MYLK: variants seen among roughly 807,000 people sequenced by gnomAD.
MYLK encodes myosin light chain kinase, also known as myosin light chain kinase, smooth muscle.
MYLK carries 106 observed loss-of-function variants against 203.4 expected under a neutral mutation model. The observed-to-expected ratio is 0.52, with a 90% CI of 0.45 to 0.61. MYLK has a LOEUF of 0.61. Ranked by LOEUF, MYLK falls within the 20% of genes least tolerant of loss-of-function variation. The probability of loss-of-function intolerance (pLI) is 0.00; values close to 1 mark genes in which losing one functional copy is unlikely to be tolerated. For missense variants in MYLK, 2,072 were observed against 2,442.3 expected (o/e 0.85, Z 3.20); for synonymous variants, 867 against 959.5 (o/e 0.90, Z 1.78).
rs548505914 is a variant in MYLK, at chr3:123,740,649, A to G, written c.374-648T>C. ...TGCCAGTCCTGGGCAAGGTGCTGCT[A>G]TGCTGGACACTGCCAGTCCTGGGCA... On this transcript the variant is annotated intron_variant, in intron 5 of 33. Coordinates refer to ENST00000360304, the MANE Select transcript of MYLK (RefSeq NM_053025.4). Among the ~76,000 whole-genome samples, 9 of 152,334 alleles carry G rather than the reference A, an allele frequency of 5.9e-5. No individual in the cohort carries two copies. In the East Asian group the frequency reaches 1.7e-3, roughly 29 times the overall value.
In MYLK at chr3:123,629,100, C is replaced by G. The variant is rs1160918812; in HGVS notation, c.5114+374G>C. Among the ~76,000 whole-genome samples, 2 of 152,148 alleles carry G rather than the reference C, an allele frequency of 1.3e-5. No homozygotes were observed. The highest frequency in any genetic ancestry group is 2.9e-5 in the Non-Finnish European group (2 of 68,024). Reference sequence around the variant, plus strand: ...GCTCTTGCTTGTTGAGAGGGTCCTTCCCCTGCAGCCCCTGAAGAGGGCTGT... The same window carrying G: ...GCTCTTGCTTGTTGAGAGGGTCCTTGCCCTGCAGCCCCTGAAGAGGGCTGT... On this transcript the variant is annotated intron_variant, in intron 30 of 33. Transcript: ENST00000360304. This position sits in a 1 kb window ranked among gnomAD's most constrained non-coding sequence, Gnocchi z 4.4.
At chr3:123,626,156 C>CCTT (rs1230374100) in intron 31 of MYLK, among the ~76,000 whole-genome samples, 1 of 152,180 alleles carries the variant, frequency 6.6e-6, no homozygotes, top group Non-Finnish European at 1.5e-5. Context: ...AGATGGCCTA[C>CCTT]CTTCATACCT....
At chr3:123,792,604 A>C (rs1320526217) in intron 4 of MYLK, among the ~76,000 whole-genome samples, 1 of 152,206 alleles carries the variant, frequency 6.6e-6, no homozygotes, top group African/African-American at 2.4e-5. Context: ...TCCGTGTTAT[A>C]GCATGAGTCA....
intron 20 of MYLK, chr3:123,680,899 T>C (rs2060241603): frequency 6.6e-6 from 1 of 152,188 alleles, no homozygotes; most frequent in Non-Finnish European, 1.5e-5. Flanking sequence ...CTGTTGAAAT[T>C]GTAGTTTTCA....
chr3:123,679,319 AAAAC>A (rs2060183163), intron 20 of MYLK, among the ~76,000 whole-genome samples: 3 of 151,620 alleles, frequency 2.0e-5, no homozygotes, highest in Admixed American at 2.0e-4. Flanking sequence ...AAAAAAAAAA[AAAAC>A]AAAACAAGAC....
At chr3:123,814,098 G>A in intron 3 of MYLK, 1 of 292,016 alleles carries the variant, frequency 3.4e-6, no homozygotes, top group Non-Finnish European at 6.8e-6. Context: ...CAAATTTGGT[G>A]CCTGCCCTGC....
intron 11 of MYLK, among the ~76,000 whole-genome samples, chr3:123,728,752 G>C (rs543754326): frequency 1.3e-5 from 2 of 152,272 alleles, no homozygotes; most frequent in Non-Finnish European, 2.9e-5. Flanking sequence ...CAAGGGGCAG[G>C]ATGGGTTCAG....
intron 2 of MYLK, among the ~76,000 whole-genome samples, chr3:123,842,122 A>C (rs1046679209): frequency 6.6e-6 from 1 of 152,146 alleles, no homozygotes; most frequent in Non-Finnish European, 1.5e-5. Context: ...ATCTGTAGCT[A>C]TATATTCCAC....
chr3:123,707,731 G>T, intron 16 of MYLK, 23 bp downstream of exon 16: 1 of 1,614,014 alleles, frequency 6.2e-7, no homozygotes, highest in East Asian at 2.2e-5. Context: ...GTTAAGGGAG[G>T]CTGGCTGGAC....
At chr3:123,761,717 G>C (rs1319881195) in intron 4 of MYLK, among the ~76,000 whole-genome samples, 2 of 152,164 alleles carry the variant, frequency 1.3e-5, no homozygotes, top group Non-Finnish European at 2.9e-5. Context: ...AAAAAACCCA[G>C]ATCTTTATTA....
chr3:123,818,687 C>G (rs2065825769), intron 3 of MYLK, among the ~76,000 whole-genome samples: 1 of 152,120 alleles, frequency 6.6e-6, no homozygotes, highest in Admixed American at 6.5e-5. Flanking sequence ...CAGACCCTCT[C>G]TCAAAAACAA....
intron 4 of MYLK, among the ~76,000 whole-genome samples, chr3:123,766,369 G>A (rs925098053): frequency 2.6e-5 from 4 of 152,200 alleles, no homozygotes; most frequent in African/African-American, 7.2e-5. Context: ...CAGCCTCGAG[G>A]CCCACAGCAC....
Position 123,640,551 on chromosome 3 carries a change from G to A in MYLK, c.4620-47C>T. On this transcript the variant is annotated intron_variant, in intron 27 of 33. Transcript: ENST00000360304. The surrounding 1 kb of genome is among the most constrained non-coding windows in gnomAD (Gnocchi z 4.3). The stretch of plus-strand genomic sequence containing the variant: ...GTGGTCAGGCCACAGGCTCATGGAG[G>A]CCAGGCTGGCAGGGAGTCTGGCCAG... The A allele has an allele frequency of 6.2e-7, 1 of 1,605,314 alleles. No individual in the cohort carries two copies. Among genetic ancestry groups the A allele is most frequent in the East Asian group, 2.2e-5 (1 of 44,816 alleles).
intron 2 of MYLK, among the ~76,000 whole-genome samples, chr3:123,833,260 C>T (rs1369704507): frequency 6.6e-6 from 1 of 152,190 alleles, no homozygotes; most frequent in Non-Finnish European, 1.5e-5. Context: ...CCACATGTCT[C>T]ATAAGCTAAT....
At chr3:123,736,611 G>C (rs966332457) in intron 8 of MYLK, among the ~76,000 whole-genome samples, 3 of 152,112 alleles carry the variant, frequency 2.0e-5, no homozygotes, top group African/African-American at 4.8e-5. Flanking sequence ...GGGGTCAAAA[G>C]GATGCTGGAA....
At chr3:123,840,284 G>A (rs1243547118) in intron 2 of MYLK, among the ~76,000 whole-genome samples, 3 of 151,664 alleles carry the variant, frequency 2.0e-5, no homozygotes, top group African/African-American at 4.8e-5. Context: ...AAGCCTGTAG[G>A]CAGGCTGATC....
At chr3:123,692,466 T>C (rs892229186) in intron 19 of MYLK, 1 of 1,175,568 alleles carries the variant, frequency 8.5e-7, no homozygotes, top group Admixed American at 3.2e-5. Flanking sequence ...GCTCAGAAGG[T>C]TCTGGGTGTG....
intron 3 of MYLK, among the ~76,000 whole-genome samples, chr3:123,813,005 C>G (rs2065613853): frequency 6.6e-6 from 1 of 152,148 alleles, no homozygotes; most frequent in African/African-American, 2.4e-5. Context: ...ACTTGGCAGT[C>G]TGCTCAGTAA....
chr3:123,629,558 G>A lies in MYLK; in HGVS notation c.5030C>T (p.Thr1677Ile), dbSNP rs770549888. The A allele has an allele frequency of 1.9e-5, 31 of 1,614,212 alleles. No individual in the cohort carries two copies. The highest frequency in any genetic ancestry group is 6.6e-5 in the South Asian group (6 of 91,086). The stretch of plus-strand genomic sequence containing the variant: ...GAATGCCTCGTCGTCGAAGTCCCAG[G>A]TGGCTGAGGTAACGTTGGCCAAGGT... Reference protein sequence around the residue: ...NETLANVTSATWDFDDEAFDE... With the variant: ...NETLANVTSAIWDFDDEAFDE... The change falls in exon 30 of 34, where the codon ACC becomes ATC. Residue 1677 changes from threonine (T) to isoleucine (I), a missense_variant. Physicochemically the swap from Thr to Ile is moderately conservative, Grantham distance 89. Transcript: ENST00000360304. The surrounding 1 kb of genome is among the most constrained non-coding windows in gnomAD (Gnocchi z 4.4).
Sources: allele counts gnomAD v4.1 joint callset (sites outside exome capture counted in the v4.1 genomes callset), GRCh38; gene constraint gnomAD v4.1.1; non-coding constraint Gnocchi (gnomAD v3.1); transcripts MANE v1.5; gene names NCBI Gene and HGNC (gene_info 2026-07-23, HGNC 2026-07-21).